LPAR3: variants seen among roughly 807,000 people sequenced by gnomAD.
LPAR3 encodes LPA receptor 3.
In LPAR3, 7 loss-of-function variants were observed where a neutral mutation model predicts 17.8. The observed-to-expected ratio is 0.39, with a 90% CI of 0.22 to 0.74. LPAR3 has a LOEUF of 0.74. Among genes scored for constraint, LPAR3 ranks in the 30% least tolerant of loss-of-function variants. LPAR3 has a pLI of 0.40. For synonymous variants in LPAR3, 179 were observed against 179.9 expected (o/e 0.99, Z 0.04); for missense variants, 391 against 453.4 (o/e 0.86, Z 1.25).
intron 2 of LPAR3, among the ~76,000 whole-genome samples, chr1:84,856,608 A>G (rs1393649192): frequency 6.6e-6 from 1 of 152,032 alleles, no homozygotes; most frequent in African/African-American, 2.4e-5. Context: ...GAAGCTTATG[A>G]ATAATACCAA....
At chr1:84,852,186 GA>G (rs1659729875) in intron 2 of LPAR3, among the ~76,000 whole-genome samples, 1 of 151,882 alleles carries the variant, frequency 6.6e-6, no homozygotes, top group Non-Finnish European at 1.5e-5. Flanking sequence ...GGGCCCAAGC[GA>G]TTTTCCTGCC....
chr1:84,824,454 G>C (rs750415610), intron 2 of LPAR3, among the ~76,000 whole-genome samples: 1 of 152,140 alleles, frequency 6.6e-6, no homozygotes, highest in Non-Finnish European at 1.5e-5. Context: ...CAATCAAATA[G>C]AATCAGCCTT....
chr1:84,828,583 A>G (rs797017918), intron 2 of LPAR3, among the ~76,000 whole-genome samples: 13 of 152,260 alleles, frequency 8.5e-5, no homozygotes, highest in African/African-American at 2.9e-4. Flanking sequence ...TACCCTTTGA[A>G]CTGGCAGGTC....
intron 2 of LPAR3, among the ~76,000 whole-genome samples, chr1:84,835,331 T>C (rs1233813267): frequency 1.3e-5 from 2 of 152,242 alleles, no homozygotes; most frequent in East Asian, 1.9e-4. Context: ...GTGGGCATGA[T>C]GTAATCTACC....
At chr1:84,854,244 C>A (rs899312673) in intron 2 of LPAR3, among the ~76,000 whole-genome samples, 1 of 152,192 alleles carries the variant, frequency 6.6e-6, no homozygotes. Context: ...GTCTCCCACC[C>A]TGCCTTTCCT....
At chr1:84,838,351 T>C (rs1278302993) in intron 2 of LPAR3, among the ~76,000 whole-genome samples, 1 of 152,168 alleles carries the variant, frequency 6.6e-6, no homozygotes, top group Non-Finnish European at 1.5e-5. Flanking sequence ...CATCTTCTCA[T>C]GGTCCCATTC....
chr1:84,834,316 C>G (rs1659352358), intron 2 of LPAR3, among the ~76,000 whole-genome samples: 1 of 152,112 alleles, frequency 6.6e-6, no homozygotes, highest in South Asian at 2.1e-4. Flanking sequence ...CATAAATGAA[C>G]AATCTGAAGA....
rs1288249299 is a variant in LPAR3, at chr1:84,850,397, A to C, written c.736+14988T>G. 2.0e-5 allele frequency among the ~76,000 whole-genome samples: 3 copies of C among 149,234 alleles called. No homozygotes were observed. In the East Asian group the frequency reaches 5.8e-4, roughly 29 times the overall value. On this transcript the variant is annotated intron_variant, in intron 2 of 2. Coordinates refer to ENST00000370611, the MANE Select transcript of LPAR3 (RefSeq NM_012152.3). ...CATGGTGAAACTCTGTCTCTACAAA[A>C]AAAAAAAAAAAAAAAAAAAAGAAAA...
At position 84,813,159 on chromosome 1, in the gene LPAR3, A is replaced by ATAT. The variant is rs59691846; in HGVS notation, c.*686_*687insATA. On this transcript the variant is annotated 3_prime_UTR_variant, in exon 3 of 3. Transcript: ENST00000370611. The stretch of plus-strand genomic sequence containing the variant: ...TATATATATATATATATATATATAT[A>ATAT]GACACACACACACACACACACACAC... The ATAT allele has an allele frequency of 2.1e-5, 2 of 97,528 alleles. 1 individual carries two copies. Among genetic ancestry groups the ATAT allele is most frequent in the African/African-American group, 7.7e-5 (2 of 26,080 alleles). The allele number at this position is 97,528 out of a possible 1,614,324, so 6.0% of individuals were successfully genotyped here. A position where few individuals can be genotyped will look rare whatever the true frequency, so the allele number is the denominator to read the frequency against.
At chr1:84,875,360 T>C (rs1286943335) in intron 1 of LPAR3, among the ~76,000 whole-genome samples, 2 of 152,252 alleles carry the variant, frequency 1.3e-5, no homozygotes, top group African/African-American at 4.8e-5. Flanking sequence ...CCAGAGTTCA[T>C]GTGTTGGAAA....
At position 84,838,818 on chromosome 1, in the gene LPAR3, C is replaced by T. The variant is rs535526464; in HGVS notation, c.737-24647G>A. 2.5e-4 allele frequency among the ~76,000 whole-genome samples: 38 copies of T among 152,300 alleles called. No individual in the cohort carries two copies. In the South Asian group the frequency reaches 2.7e-3, roughly 11 times the overall value. On this transcript the variant is annotated intron_variant, in intron 2 of 2. Coordinates refer to ENST00000370611, the MANE Select transcript of LPAR3 (RefSeq NM_012152.3). ...CATGACTTCTCCCCGACTGACCCGC[C>T]CACCTCTCTGCTCCTCTGACTAACC...
chr1:84,838,894 G>A (rs991405101), intron 2 of LPAR3, among the ~76,000 whole-genome samples: 1 of 152,114 alleles, frequency 6.6e-6, no homozygotes, highest in Non-Finnish European at 1.5e-5. Flanking sequence ...CCCCGGACTG[G>A]CCCTGCCATC....
intron 2 of LPAR3, among the ~76,000 whole-genome samples, chr1:84,823,034 C>T (rs944168050): frequency 6.6e-6 from 1 of 152,152 alleles, no homozygotes; most frequent in African/African-American, 2.4e-5. Context: ...ATAATACTAA[C>T]CTAGTAAGCC....
intron 2 of LPAR3, among the ~76,000 whole-genome samples, chr1:84,840,358 T>C (rs1239679937): frequency 2.6e-5 from 4 of 152,266 alleles, no homozygotes; most frequent in Non-Finnish European, 1.5e-5. Flanking sequence ...AAATATGTGC[T>C]GGTCCTAGAA....
chr1:84,870,271 C>A (rs1040720464), intron 1 of LPAR3, among the ~76,000 whole-genome samples: 3 of 152,240 alleles, frequency 2.0e-5, no homozygotes, highest in Non-Finnish European at 4.4e-5. Context: ...TCCATCAGAG[C>A]TACCCAGTTG....
chr1:84,890,969 T>C (rs1660542674), intron 1 of LPAR3, among the ~76,000 whole-genome samples: 1 of 151,564 alleles, frequency 6.6e-6, no homozygotes, highest in Non-Finnish European at 1.5e-5. Context: ...ACTGTGCACG[T>C]GTGTTTCTGA....
chr1:84,865,307 G>T, intron 2 of LPAR3, 78 bp downstream of exon 2: 1 of 1,456,040 alleles, frequency 6.9e-7, no homozygotes, highest in East Asian at 2.4e-5. Flanking sequence ...CCTAGTAAGT[G>T]CCTGGTACAC....
intron 1 of LPAR3, among the ~76,000 whole-genome samples, chr1:84,870,658 C>G (rs1660143015): frequency 6.6e-6 from 1 of 152,142 alleles, no homozygotes; most frequent in African/African-American, 2.4e-5. Flanking sequence ...CATGGATTAT[C>G]TCATGGTATC....
chr1:84,869,118 T>C (rs1660108896), intron 1 of LPAR3, among the ~76,000 whole-genome samples: 1 of 152,244 alleles, frequency 6.6e-6, no homozygotes, highest in Non-Finnish European at 1.5e-5. Context: ...CAAATTTTCC[T>C]AATTTTATTT....
Sources: gnomAD v4.1 joint callset for allele counts (sites outside exome capture counted in the v4.1 genomes callset) on GRCh38, gnomAD v4.1.1 for gene constraint, MANE v1.5 for transcripts, NCBI Gene and HGNC (gene_info 2026-07-23, HGNC 2026-07-21) for gene names.